Variants in CELSR1 observed in about 807,000 individuals in gnomAD.
The protein encoded by CELSR1 is cadherin EGF LAG seven-pass G-type receptor 1.
A neutral mutation model predicts 249.1 loss-of-function variants in CELSR1; 110 were observed. The ratio of observed to expected loss-of-function variants is 0.44; its 90% CI spans 0.38 to 0.52. CELSR1 has a LOEUF of 0.52. Ranked by LOEUF, CELSR1 falls within the 20% of genes least tolerant of loss-of-function variation. The pLI is 0.00. For missense variants in CELSR1, 4,109 were observed against 4,296.4 expected, an observed-to-expected ratio of 0.96 and a Z score of 1.22; for synonymous variants, 2,113 against 1,900.0, an observed-to-expected ratio of 1.11 and a Z score of -2.92.
At chr22:46,382,128 C>T in intron 20 of CELSR1, 78 bp from the exon 21 acceptor site, 2 of 1,344,578 alleles carry the variant, frequency 1.5e-6, no homozygotes, top group Non-Finnish European at 2.0e-6. Flanking sequence ...CCAGCAGGTG[C>T]TTCTCAAAAA....
At chr22:46,509,312 C>T (rs1468501870) in intron 1 of CELSR1, among the ~76,000 whole-genome samples, 1 of 152,208 alleles carries the variant, frequency 6.6e-6, no homozygotes, top group Non-Finnish European at 1.5e-5. Flanking sequence ...CGGCTTTCTA[C>T]AGATGAGGAG....
At chr22:46,475,328 T>A (rs1004336380) in intron 1 of CELSR1, among the ~76,000 whole-genome samples, 1 of 152,102 alleles carries the variant, frequency 6.6e-6, no homozygotes, top group East Asian at 1.9e-4. Flanking sequence ...ACAACACAGA[T>A]GAGCCTTGAA....
intron 9 of CELSR1, among the ~76,000 whole-genome samples, chr22:46,405,196 C>T (rs1056374010): frequency 4.0e-5 from 6 of 151,570 alleles, no homozygotes; most frequent in Non-Finnish European, 5.9e-5. Flanking sequence ...CACAGTGGCT[C>T]GTGCCTGTAA....
At chr22:46,443,222 T>C (rs144480403) in intron 2 of CELSR1, among the ~76,000 whole-genome samples, 1,616 of 152,296 alleles carry the variant, frequency 0.011, 15 homozygotes, top group Middle Eastern at 0.038. Context: ...TTCATGAGCA[T>C]GCACGGCCTC....
Position 46,410,987 on chromosome 22 carries a change from C to T in CELSR1, c.4770-426G>A, listed in dbSNP as rs2079327744. Reference sequence around the variant, plus strand: ...CTTTGGGAGGCTGAGGCGGGCAGATCACGAGGTCAAGAGATCGAGACCATC... The same window carrying T: ...CTTTGGGAGGCTGAGGCGGGCAGATTACGAGGTCAAGAGATCGAGACCATC... On this transcript the variant is annotated intron_variant, in intron 6 of 34. Coordinates refer to ENST00000674500, the MANE Select transcript of CELSR1 (RefSeq NM_001378328.1). This position sits in a 1 kb window ranked among gnomAD's most constrained non-coding sequence, Gnocchi z 6.8. 6.6e-6 allele frequency among the ~76,000 whole-genome samples: 1 copy of T among 152,106 alleles called. No individual in the cohort carries two copies. The highest frequency in any genetic ancestry group is 2.4e-5 in the African/African-American group (1 of 41,414).
chr22:46,475,912 T>C (rs955513876), intron 1 of CELSR1, among the ~76,000 whole-genome samples: 3 of 152,148 alleles, frequency 2.0e-5, no homozygotes, highest in East Asian at 1.9e-4. Context: ...CTCTGCTTGA[T>C]GGAACCTTCT....
At chr22:46,470,746 A>G (rs2080147324) in intron 1 of CELSR1, among the ~76,000 whole-genome samples, 1 of 152,172 alleles carries the variant, frequency 6.6e-6, no homozygotes, top group Non-Finnish European at 1.5e-5. Flanking sequence ...GCCTATCCCC[A>G]CAACGGAATA....
chr22:46,534,351 G>A lies in CELSR1; in HGVS notation c.2820C>T (p.Asp940=). Residue 940 remains aspartate, a synonymous_variant, in exon 1 of 35, where the codon GAC becomes GAT. Transcript: ENST00000674500. The surrounding 1 kb of genome is among the most constrained non-coding windows in gnomAD (Gnocchi z 9.7). ...TFQGGDDGDG[D]FYIEPTSGVI... ...CACCGGACGTGGGCTCGATGTAGAA[G>A]TCCCCATCGCCGTCGTCCCCACCCT... The A allele has an allele frequency of 6.2e-7, 1 of 1,613,004 alleles. No individual in the cohort carries two copies. Among genetic ancestry groups the A allele is most frequent in the Non-Finnish European group, 8.5e-7 (1 of 1,180,036 alleles).
In CELSR1 at chr22:46,440,487, C is replaced by T. The variant is rs534298586; in HGVS notation, c.4184-1076G>A. ...GTGCTGGGATTACAGGCGTGAGCCA[C>T]CGCGCCCGGCCAGTATGATCAATCT... On this transcript the variant is annotated intron_variant, in intron 2 of 34. Coordinates refer to ENST00000674500, the MANE Select transcript of CELSR1 (RefSeq NM_001378328.1). This position sits in a 1 kb window ranked among gnomAD's most constrained non-coding sequence, Gnocchi z 4.7. Among the ~76,000 whole-genome samples, 56 of 152,334 alleles carry T rather than the reference C, an allele frequency of 3.7e-4. No individual in the cohort carries two copies. The highest frequency in any genetic ancestry group is 1.3e-3 in the African/African-American group (54 of 41,578).
Position 46,408,969 on chromosome 22 carries a change from G to A in CELSR1, c.5226+27C>T. 2 of 1,577,600 alleles carry A rather than the reference G, an allele frequency of 1.3e-6. No homozygotes were observed. Among genetic ancestry groups the A allele is most frequent in the South Asian group, 1.2e-5 (1 of 85,870 alleles). On this transcript the variant is annotated intron_variant, in intron 9 of 34. Coordinates refer to ENST00000674500, the MANE Select transcript of CELSR1 (RefSeq NM_001378328.1). The surrounding 1 kb of genome is among the most constrained non-coding windows in gnomAD (Gnocchi z 4.6). ...TCCCTCGGGCACCCACCTAGCAGGTGCCTTGGTGGCACGGGGCCCCAGTCA... is the reference window on the plus strand; with the variant it reads ...TCCCTCGGGCACCCACCTAGCAGGTACCTTGGTGGCACGGGGCCCCAGTCA...
Position 46,409,768 on chromosome 22 carries a change from C to T in CELSR1, c.5046G>A (p.Lys1682=), listed in dbSNP as rs1436786586. The part of the protein sequence containing the change: ...LCECPLRFGG[K]NCEQAMPHPQ... Reference sequence around the variant, plus strand: ...CCGGCCACTCACCTTGCTCACAGTTCTTCCCGCCGAATCGGAGTGGACACT... The same window carrying T: ...CCGGCCACTCACCTTGCTCACAGTTTTTCCCGCCGAATCGGAGTGGACACT... Residue 1682 remains lysine, a synonymous_variant, in exon 8 of 35, where the codon AAG becomes AAA. Coordinates refer to ENST00000674500, the MANE Select transcript of CELSR1 (RefSeq NM_001378328.1). The surrounding 1 kb of genome is among the most constrained non-coding windows in gnomAD (Gnocchi z 9.8). 1.7e-5 allele frequency: 28 copies of T among 1,613,416 alleles called. No homozygotes were observed. Among genetic ancestry groups the T allele is most frequent in the Non-Finnish European group, 2.4e-5 (28 of 1,180,020 alleles).
chr22:46,486,969 C>A (rs541739574), intron 1 of CELSR1, among the ~76,000 whole-genome samples: 1 of 152,278 alleles, frequency 6.6e-6, no homozygotes, highest in East Asian at 1.9e-4. Context: ...CTGCTCCCCA[C>A]TCATCACACG....
intron 1 of CELSR1, among the ~76,000 whole-genome samples, chr22:46,481,122 C>T (rs5768811): frequency 6.6e-6 from 1 of 152,066 alleles, no homozygotes; most frequent in East Asian, 1.9e-4. Flanking sequence ...GTAGTCCCAG[C>T]TACTCAGGAG....
rs59470297 is a variant in CELSR1 at position 46,506,173 on chromosome 22, CAAAA to C, written c.3544+27450_3544+27453del. Among the ~76,000 whole-genome samples the C allele has an allele frequency of 0.19, 25,856 of 136,224 alleles. 2,477 individuals carry two copies. The highest frequency in any genetic ancestry group is 0.26 in the Middle Eastern group (70 of 266). 89.4% of individuals were successfully genotyped at this position (136,224 alleles called of 152,430 possible). A position where few individuals can be genotyped will look rare whatever the true frequency, so the allele number is the denominator to read the frequency against. On this transcript the variant is annotated intron_variant, in intron 1 of 34. Transcript: ENST00000674500. The surrounding 1 kb of genome is among the most constrained non-coding windows in gnomAD (Gnocchi z 4.1). ...CAGCCTGGGCGACAGAGACTGTCTCCAAAAAAAAAAAAAAAAAAAAGAAAAAGAA... is the reference window on the plus strand; with the variant it reads ...CAGCCTGGGCGACAGAGACTGTCTCCAAAAAAAAAAAAAAAAGAAAAAGAA...
At chr22:46,504,412 G>GCGCCT (rs2080494085) in intron 1 of CELSR1, among the ~76,000 whole-genome samples, 1 of 151,566 alleles carries the variant, frequency 6.6e-6, no homozygotes, top group Non-Finnish European at 1.5e-5. Flanking sequence ...CACTTGGGAG[G>GCGCCT]CCGAGGCAGG....
chr22:46,516,268 T>G (rs2080626719), intron 1 of CELSR1, among the ~76,000 whole-genome samples: 1 of 152,172 alleles, frequency 6.6e-6, no homozygotes, highest in South Asian at 2.1e-4. Context: ...CATGGAATAC[T>G]ATGCAGCCAT....
chr22:46,431,054 C>CA (rs1242337324), intron 5 of CELSR1, among the ~76,000 whole-genome samples: 2 of 152,234 alleles, frequency 1.3e-5, no homozygotes, highest in African/African-American at 4.8e-5. Context: ...GGCCTAATCC[C>CA]ACACGGGAGG....
At position 46,468,462 on chromosome 22, in the gene CELSR1, C is replaced by T. The variant is rs544709640; in HGVS notation, c.3545-4117G>A. ...TAAAAAGGGAGGAAATTCTGACACA[C>T]GCTACAACATGGATGTACCTTGAGG... On this transcript the variant is annotated intron_variant, in intron 1 of 34. Coordinates refer to ENST00000674500, the MANE Select transcript of CELSR1 (RefSeq NM_001378328.1). The surrounding 1 kb of genome is among the most constrained non-coding windows in gnomAD (Gnocchi z 4.5). Among the ~76,000 whole-genome samples, 60 of 152,142 alleles carry T rather than the reference C, an allele frequency of 3.9e-4. No homozygotes were observed. Among genetic ancestry groups the T allele is most frequent in the Admixed American group, 1.1e-3 (17 of 15,266 alleles).
chr22:46,412,123 G>A lies in CELSR1; in HGVS notation c.4612-364C>T, dbSNP rs1040100863. Among the ~76,000 whole-genome samples, 2 of 152,214 alleles carry A rather than the reference G, an allele frequency of 1.3e-5. No individual in the cohort carries two copies. The highest frequency in any genetic ancestry group is 2.9e-5 in the Non-Finnish European group (2 of 68,038). ...ACACAGGGAGAAGCTGCGTGACCGC[G>A]GAGGCAGCTGCTGGAGCAGCTGTTT... On this transcript the variant is annotated intron_variant, in intron 5 of 34. Transcript: ENST00000674500. The surrounding 1 kb of genome is among the most constrained non-coding windows in gnomAD (Gnocchi z 4.5).
Sources: allele counts gnomAD v4.1 joint callset (sites outside exome capture counted in the v4.1 genomes callset), GRCh38; gene constraint gnomAD v4.1.1; non-coding constraint Gnocchi (gnomAD v3.1); transcripts MANE v1.5; gene names NCBI Gene and HGNC (gene_info 2026-07-23, HGNC 2026-07-21).